Variants in MAP3K5 observed in about 807,000 individuals in gnomAD.
The protein encoded by MAP3K5 is mitogen-activated protein kinase kinase kinase 5.
Under a neutral mutation model 158.7 loss-of-function variants are expected in MAP3K5, and 56 were observed. The observed-to-expected ratio is 0.35, with a 90% confidence interval of 0.28 to 0.44. The LOEUF is 0.44. Among genes scored for constraint, MAP3K5 ranks in the 20% least tolerant of loss-of-function variants. The pLI, the probability that MAP3K5 is intolerant of heterozygous loss-of-function variation, is 1.00. For synonymous variants in MAP3K5, 579 were observed against 601.7 expected (o/e 0.96, Z 0.55); for missense variants, 1,294 against 1,674.8 (o/e 0.77, Z 3.97).
intron 1 of MAP3K5, among the ~76,000 whole-genome samples, chr6:136,769,501 T>C (rs1473446324): frequency 6.6e-6 from 1 of 151,866 alleles, no homozygotes; most frequent in Non-Finnish European, 1.5e-5. Flanking sequence ...GTTACTTTTA[T>C]GGTCTATAAG....
chr6:136,642,035 T>A (rs13198373), intron 12 of MAP3K5, among the ~76,000 whole-genome samples: 14,914 of 48,066 alleles, frequency 0.31, 867 homozygotes, highest in South Asian at 0.4. Context: ...AAAATAAAAA[T>A]AAAATAAAAT....
intron 1 of MAP3K5, among the ~76,000 whole-genome samples, chr6:136,765,552 G>A (rs542996391): frequency 8.7e-4 from 130 of 150,218 alleles, no homozygotes; most frequent in African/African-American, 3.1e-3. Context: ...TCGCTCTGTC[G>A]CCCAGGCTGG....
intron 1 of MAP3K5, among the ~76,000 whole-genome samples, chr6:136,725,386 T>C (rs1583483777): frequency 1.3e-5 from 2 of 152,348 alleles, no homozygotes; most frequent in Admixed American, 1.3e-4. Context: ...GTTTTTCTTC[T>C]AAAGCCAGTC....
intron 1 of MAP3K5, among the ~76,000 whole-genome samples, chr6:136,773,691 A>C (rs1784299776): frequency 6.6e-6 from 1 of 152,112 alleles, no homozygotes; most frequent in African/African-American, 2.4e-5. Flanking sequence ...TGTTTCACCC[A>C]GGCTGGAGTG....
At chr6:136,720,769 T>G (rs183361842) in intron 1 of MAP3K5, among the ~76,000 whole-genome samples, 180 bp from the exon 2 acceptor site, 19 of 152,314 alleles carry the variant, frequency 1.2e-4, no homozygotes, top group African/African-American at 4.3e-4. Context: ...TTTTATAAAA[T>G]GTAACAAACC....
chr6:136,696,270 C>T (rs1285949922), intron 5 of MAP3K5, among the ~76,000 whole-genome samples: 2 of 152,156 alleles, frequency 1.3e-5, no homozygotes, highest in African/African-American at 4.8e-5. Context: ...TAGAAACATA[C>T]AGTTACCATG....
chr6:136,619,916 T>G (rs976979214), intron 15 of MAP3K5, among the ~76,000 whole-genome samples: 1 of 152,146 alleles, frequency 6.6e-6, no homozygotes, highest in African/African-American at 2.4e-5. Flanking sequence ...GCTGGATACA[T>G]GGGGAGACAG....
intron 1 of MAP3K5, among the ~76,000 whole-genome samples, chr6:136,722,565 C>G (rs1270360773): frequency 6.6e-6 from 1 of 151,582 alleles, no homozygotes; most frequent in Non-Finnish European, 1.5e-5. Context: ...TATAAAATGC[C>G]AATTGTTTTG....
intron 14 of MAP3K5, among the ~76,000 whole-genome samples, chr6:136,625,521 T>C (rs562625906): frequency 6.6e-6 from 1 of 152,242 alleles, no homozygotes; most frequent in African/African-American, 2.4e-5. Flanking sequence ...GTCTCAAGAC[T>C]GAGCTCTGGA....
intron 14 of MAP3K5, among the ~76,000 whole-genome samples, chr6:136,627,311 T>G (rs1777084578): frequency 6.6e-6 from 1 of 152,200 alleles, no homozygotes; most frequent in African/African-American, 2.4e-5. Context: ...TTTTCTCCTC[T>G]CTTGTTGCTC....
intron 2 of MAP3K5, among the ~76,000 whole-genome samples, chr6:136,714,100 C>A (rs1329258328): frequency 6.6e-6 from 1 of 152,116 alleles, no homozygotes. Context: ...CCAAATTCAT[C>A]TTATTTACTT....
intron 26 of MAP3K5, among the ~76,000 whole-genome samples, chr6:136,566,244 G>T (rs568143936): frequency 6.6e-6 from 1 of 152,326 alleles, no homozygotes; most frequent in South Asian, 2.1e-4. Flanking sequence ...GACACAGCCA[G>T]GTGTGTAGAC....
At chr6:136,591,138 ATGATTG>A (rs1030302760) in intron 23 of MAP3K5, among the ~76,000 whole-genome samples, 7 of 152,192 alleles carry the variant, frequency 4.6e-5, no homozygotes, top group Admixed American at 3.9e-4. Context: ...ACCTTCCACC[ATGATTG>A]TGAGGCCTCC....
chr6:136,578,535 G>T (rs954637991), intron 25 of MAP3K5, among the ~76,000 whole-genome samples: 9 of 151,818 alleles, frequency 5.9e-5, no homozygotes, highest in Admixed American at 5.3e-4. Context: ...CATTTCCAAG[G>T]AGAGAGAATA....
chr6:136,642,607 A>C, intron 11 of MAP3K5, 38 bp from the exon 12 acceptor site: 1 of 1,336,402 alleles, frequency 7.5e-7, no homozygotes, highest in Non-Finnish European at 1.1e-6. Flanking sequence ...AGTCATCCAA[A>C]TGGAAAATAA....
At chr6:136,664,603 G>A (rs1045257277) in intron 8 of MAP3K5, among the ~76,000 whole-genome samples, 9 of 152,148 alleles carry the variant, frequency 5.9e-5, no homozygotes, top group African/African-American at 1.9e-4. Context: ...TTCCTATTAA[G>A]AGAACTTTAG....
intron 1 of MAP3K5, among the ~76,000 whole-genome samples, chr6:136,760,936 T>A (rs150880162): frequency 2.6e-3 from 400 of 152,254 alleles, no homozygotes; most frequent in Non-Finnish European, 4.4e-3. Context: ...ACCACTGCAC[T>A]CCAGCCTGGG....
chr6:136,766,453 T>G (rs1783972424), intron 1 of MAP3K5, among the ~76,000 whole-genome samples: 1 of 152,258 alleles, frequency 6.6e-6, no homozygotes, highest in Non-Finnish European at 1.5e-5. Context: ...TTCAGGGTCA[T>G]GAATAGAAGG....
At chr6:136,612,309 G>A (rs1165631122) in intron 17 of MAP3K5, among the ~76,000 whole-genome samples, 1 of 152,150 alleles carries the variant, frequency 6.6e-6, no homozygotes, top group Non-Finnish European at 1.5e-5. Context: ...TCATTGGATG[G>A]TTATAAGTTC....
Sources: allele counts gnomAD v4.1 joint callset (sites outside exome capture counted in the v4.1 genomes callset), GRCh38; gene constraint gnomAD v4.1.1; transcripts MANE v1.5; gene names NCBI Gene and HGNC (gene_info 2026-07-23, HGNC 2026-07-21).